Variants in C10orf90 observed in about 807,000 individuals in gnomAD.
C10orf90 encodes (E2-independent) E3 ubiquitin-conjugating enzyme FATS.
C10orf90 carries 56 observed loss-of-function variants against 62.5 expected under a neutral mutation model. The ratio of observed to expected loss-of-function variants is 0.90; its 90% CI spans 0.72 to 1.12. The LOEUF (loss-of-function observed/expected upper bound fraction) is 1.12, where lower values mean the gene tolerates loss of function less well. Among genes scored for constraint, C10orf90 ranks in the 50% most tolerant of loss-of-function variants. The probability of loss-of-function intolerance (pLI) is 0.00; values close to 1 mark genes in which losing one functional copy is unlikely to be tolerated. For synonymous variants in C10orf90, 386 were observed against 340.4 expected (o/e 1.13, Z -1.47); for missense variants, 970 against 880.4 (o/e 1.10, Z -1.29).
At chr10:126,655,263 G>T (rs1199319778) in intron 1 of C10orf90, among the ~76,000 whole-genome samples, 1 of 151,926 alleles carries the variant, frequency 6.6e-6, no homozygotes, top group Non-Finnish European at 1.5e-5. Context: ...GGTGGCAGTG[G>T]GCCGAGATCG....
chr10:126,440,815 G>T (rs528844494), intron 7 of C10orf90, among the ~76,000 whole-genome samples: 29 of 152,266 alleles, frequency 1.9e-4, no homozygotes, highest in Admixed American at 3.3e-4. Context: ...TCAGCGCTCA[G>T]GAAGCCACAT....
chr10:126,477,003 G>A (rs1007656014), intron 4 of C10orf90, among the ~76,000 whole-genome samples: 1 of 143,598 alleles, frequency 7.0e-6, no homozygotes, highest in Non-Finnish European at 1.5e-5. Context: ...TCCGCCTACC[G>A]GGTTCACGCC....
At chr10:126,481,717 C>G (rs764693462) in intron 4 of C10orf90, among the ~76,000 whole-genome samples, 3 of 152,160 alleles carry the variant, frequency 2.0e-5, no homozygotes, top group Non-Finnish European at 4.4e-5. Flanking sequence ...TTCTCCTTCC[C>G]TCCTATCTCT....
intron 2 of C10orf90, among the ~76,000 whole-genome samples, chr10:126,629,717 A>G (rs1358222432): frequency 6.6e-6 from 1 of 152,258 alleles, no homozygotes; most frequent in Non-Finnish European, 1.5e-5. Flanking sequence ...TAATATGGCC[A>G]TGAATGTTTT....
chr10:126,445,805 G>GTGTATA lies in C10orf90; in HGVS notation c.2188+13234_2188+13235insTATACA, dbSNP rs1554886858. Reference sequence around the variant, plus strand: ...AATGAGTAGATAAAGAAACTGTGGTGTATATATATATATATATATATACAA... The same window carrying GTGTATA: ...AATGAGTAGATAAAGAAACTGTGGTGTGTATATATATATATATATATATATATACAA... On this transcript the variant is annotated intron_variant, in intron 7 of 9. Transcript: ENST00000488181. Among the ~76,000 whole-genome samples the GTGTATA allele has an allele frequency of 6.1e-3, 612 of 100,756 alleles. 7 individuals carry two copies. Among genetic ancestry groups the GTGTATA allele is most frequent in the African/African-American group, 0.023 (583 of 25,760 alleles). 66.1% of individuals were successfully genotyped at this position (100,756 alleles called of 152,430 possible).
rs146121361 is a variant in C10orf90, at chr10:126,461,446, G to C, written c.1965C>G (p.Asp655Glu). 1.0e-3 allele frequency: 1,617 copies of C among 1,614,206 alleles called. 28 individuals are homozygous for C. In the East Asian group the frequency reaches 0.028, roughly 28 times the overall value. The change falls in exon 6 of 10, where the codon GAC becomes GAG. Residue 655 changes from aspartate (D) to glutamate (E), a missense_variant. Asp to Glu is a conservative substitution (Grantham distance 45). Coordinates refer to ENST00000488181, the MANE Select transcript of C10orf90 (RefSeq NM_001350921.2). The part of the protein sequence containing the change: ...DGAGSPGLSE[D>E]CSESQQTPAR... ...CAGGCGTTTGCTGAGACTCAGAACA[G>C]TCTTCGGACAGGCCAGGGCTCCCTG...
At chr10:126,487,265 G>A (rs1861493303) in intron 4 of C10orf90, among the ~76,000 whole-genome samples, 1 of 151,634 alleles carries the variant, frequency 6.6e-6, no homozygotes, top group South Asian at 2.1e-4. Flanking sequence ...ATAAATGGCT[G>A]CAAAATTTCC....
intron 2 of C10orf90, among the ~76,000 whole-genome samples, chr10:126,609,527 T>C (rs1845386556): frequency 6.6e-6 from 1 of 152,254 alleles, no homozygotes; most frequent in Non-Finnish European, 1.5e-5. Flanking sequence ...CCAGTGCTTA[T>C]CTATCAACAG....
chr10:126,525,282 A>G (rs1475299882), intron 2 of C10orf90, among the ~76,000 whole-genome samples: 1 of 152,208 alleles, frequency 6.6e-6, no homozygotes, highest in Non-Finnish European at 1.5e-5. Flanking sequence ...AAAGCCACAC[A>G]CGTCGGTGAG....
intron 1 of C10orf90, among the ~76,000 whole-genome samples, chr10:126,665,559 ACTT>A (rs998252502): frequency 3.9e-5 from 6 of 152,086 alleles, no homozygotes; most frequent in Non-Finnish European, 5.9e-5. Context: ...ACTCTGGGAG[ACTT>A]CTTCTTCCAG....
intron 2 of C10orf90, among the ~76,000 whole-genome samples, chr10:126,572,787 A>G (rs1041280483): frequency 3.3e-5 from 5 of 151,870 alleles, no homozygotes; most frequent in African/African-American, 1.2e-4. Context: ...TTCAAGATGG[A>G]GTTGCTATGG....
chr10:126,599,142 C>G (rs1292833824), intron 2 of C10orf90, among the ~76,000 whole-genome samples: 1 of 151,284 alleles, frequency 6.6e-6, no homozygotes, highest in Non-Finnish European at 1.5e-5. Context: ...TCTCTTTGCA[C>G]TACAGAGATA....
rs559312801 is a variant in C10orf90, at chr10:126,543,995, G to C, written c.314-30056C>G. 3.4e-4 allele frequency among the ~76,000 whole-genome samples: 52 copies of C among 152,320 alleles called. 1 individual carries two copies. The South Asian group carries it at 0.01, about 30-fold the overall frequency. ...ACTAGGGCAAGCTGGCGAGCCCTGT[G>C]CTTCAGGGGTGGGTGATTCTCAATT... On this transcript the variant is annotated intron_variant, in intron 2 of 9. Coordinates refer to ENST00000488181, the MANE Select transcript of C10orf90 (RefSeq NM_001350921.2).
At chr10:126,462,849 A>G (rs1860075130) in intron 5 of C10orf90, among the ~76,000 whole-genome samples, 1 of 152,162 alleles carries the variant, frequency 6.6e-6, no homozygotes, top group Non-Finnish European at 1.5e-5. Context: ...CTACAAGCCC[A>G]AGCCAACTGG....
intron 2 of C10orf90, among the ~76,000 whole-genome samples, chr10:126,594,475 T>G (rs1441410203): frequency 2.0e-5 from 3 of 152,190 alleles, no homozygotes; most frequent in Non-Finnish European, 4.4e-5. Flanking sequence ...CAAATGTTTC[T>G]GAATATTCAC....
intron 4 of C10orf90, among the ~76,000 whole-genome samples, chr10:126,498,676 C>T (rs7918878): frequency 0.51 from 76,966 of 152,094 alleles, 20,719 homozygotes; most frequent in African/African-American, 0.7. Flanking sequence ...AGAGTGCCCT[C>T]GGCGGCGATC....
chr10:126,461,713 T>A, intron 5 of C10orf90, 128 bp from the exon 6 acceptor site: 1 of 947,092 alleles, frequency 1.1e-6, no homozygotes, highest in Non-Finnish European at 1.6e-6. Context: ...TGGGCCTCGT[T>A]AAGCTGACAA....
At chr10:126,601,982 C>G (rs1487256483) in intron 2 of C10orf90, among the ~76,000 whole-genome samples, 2 of 152,224 alleles carry the variant, frequency 1.3e-5, no homozygotes, top group African/African-American at 2.4e-5. Context: ...AAACAGCATG[C>G]AAGTACCCTA....
intron 7 of C10orf90, among the ~76,000 whole-genome samples, chr10:126,440,454 C>T (rs1858232170): frequency 1.3e-5 from 2 of 152,160 alleles, no homozygotes; most frequent in African/African-American, 2.4e-5. Context: ...CTTCCCTACC[C>T]ACCCTGGTAT....
Sources: gnomAD v4.1 joint callset for allele counts (sites outside exome capture counted in the v4.1 genomes callset) on GRCh38, gnomAD v4.1.1 for gene constraint, MANE v1.5 for transcripts, NCBI Gene and HGNC (gene_info 2026-07-23, HGNC 2026-07-21) for gene names.